Variants in IGF1R observed in about 807,000 individuals in gnomAD.
The protein encoded by IGF1R is insulin-like growth factor 1 receptor.
In IGF1R, 44 loss-of-function variants were observed where a neutral mutation model predicts 144.6. That is an observed-to-expected ratio of 0.30 (90% CI 0.24 to 0.39). The LOEUF is 0.39. IGF1R is among the 10% of genes least tolerant of loss of function. IGF1R has a pLI of 1.00. For synonymous variants in IGF1R, 795 were observed against 722.8 expected (o/e 1.10, Z -1.60); for missense variants, 1,355 against 1,833.7 (o/e 0.74, Z 4.77).
In IGF1R at chr15:98,890,860, T is replaced by C. The variant is rs2013873159; in HGVS notation, c.641-465T>C. 8.7e-5 allele frequency: 20 copies of C among 229,098 alleles called. 1 individual carries two copies. In the South Asian group the frequency reaches 1.4e-3, roughly 16 times the overall value. The allele number at this position is 229,098 out of a possible 1,614,324, so 14.2% of individuals were successfully genotyped here. A position where few individuals can be genotyped will look rare whatever the true frequency, so the allele number is the denominator to read the frequency against. On this transcript the variant is annotated intron_variant, in intron 2 of 20. Transcript: ENST00000650285. Reference sequence around the variant, plus strand: ...TAATCATTTTCAAAGTAAGCATTTCTGCACACTAAGGCTTTAAAAGAGTTT... The same window carrying C: ...TAATCATTTTCAAAGTAAGCATTTCCGCACACTAAGGCTTTAAAAGAGTTT...
At chr15:98,709,172 A>G (rs1412792276) in intron 2 of IGF1R, among the ~76,000 whole-genome samples, 1 of 152,228 alleles carries the variant, frequency 6.6e-6, no homozygotes, top group Non-Finnish European at 1.5e-5. Flanking sequence ...CTAGTTATGA[A>G]GAACCAAGAA....
At chr15:98,665,506 G>A (rs1259287597) in intron 1 of IGF1R, among the ~76,000 whole-genome samples, 2 of 152,182 alleles carry the variant, frequency 1.3e-5, no homozygotes, top group African/African-American at 2.4e-5. Flanking sequence ...AGGAGGGGGA[G>A]GTAATTGGGG....
In IGF1R at chr15:98,963,521, A is replaced by T. The variant is rs2017308825; in HGVS notation, c.*6079A>T. On this transcript the variant is annotated 3_prime_UTR_variant, in exon 21 of 21. Transcript: ENST00000650285. ...AACAGCCGAGGTGTTGGAGCCCAGC[A>T]GTGCATGGCACCGTTCGGCATCTGG... 1 of 233,186 alleles carries T rather than the reference A, an allele frequency of 4.3e-6. No individual in the cohort carries two copies. The highest frequency in any genetic ancestry group is 8.5e-6 in the Non-Finnish European group (1 of 118,064). The allele number at this position is 233,186 out of a possible 1,614,324, so 14.4% of individuals were successfully genotyped here.
At position 98,935,098 on chromosome 15, in the gene IGF1R, G is replaced by C. The variant is rs1413821254; in HGVS notation, c.3186+45G>C. 2.0e-6 allele frequency: 3 copies of C among 1,467,490 alleles called. No individual in the cohort carries two copies. The highest frequency in any genetic ancestry group is 2.9e-6 in the Non-Finnish European group (3 of 1,048,232). 90.9% of individuals were successfully genotyped at this position (1,467,490 alleles called of 1,614,324 possible). On this transcript the variant is annotated intron_variant, in intron 16 of 20. Transcript: ENST00000650285. This position sits in a 1 kb window ranked among gnomAD's most constrained non-coding sequence, Gnocchi z 4.2. ...AAGCCAAAATGCAGCACAGGGAGAG[G>C]GTATCACACAAGCCTCCCAGTATGT...
chr15:98,735,603 A>G (rs926212626), intron 2 of IGF1R, among the ~76,000 whole-genome samples: 4 of 152,238 alleles, frequency 2.6e-5, no homozygotes, highest in Admixed American at 6.5e-5. Flanking sequence ...AGTAAGGAAG[A>G]AGGAGGACAA....
At chr15:98,923,808 T>C in intron 11 of IGF1R, 68 bp from the exon 12 acceptor site, 1 of 1,289,094 alleles carries the variant, frequency 7.8e-7, no homozygotes, top group Non-Finnish European at 1.1e-6. Flanking sequence ...TATTCTCAGG[T>C]CAGCCCAGTG....
At chr15:98,924,406 A>G (rs2015620461) in intron 12 of IGF1R, 119 bp from the exon 13 acceptor site, 3 of 916,836 alleles carry the variant, frequency 3.3e-6, no homozygotes, top group East Asian at 2.4e-5. Flanking sequence ...ACTCAGGATC[A>G]TTGTTAGGTG....
At chr15:98,761,283 C>T (rs182821997) in intron 2 of IGF1R, among the ~76,000 whole-genome samples, 3 of 152,348 alleles carry the variant, frequency 2.0e-5, no homozygotes. Flanking sequence ...ACTGTCACTG[C>T]ATACCTCTCA....
intron 1 of IGF1R, among the ~76,000 whole-genome samples, chr15:98,658,880 G>A (rs2052541543): frequency 6.6e-6 from 1 of 152,140 alleles, no homozygotes; most frequent in Non-Finnish European, 1.5e-5. Context: ...AAGCTCTCAG[G>A]CAAATAATTT....
intron 1 of IGF1R, among the ~76,000 whole-genome samples, chr15:98,692,800 A>T (rs1418270285): frequency 2.0e-5 from 3 of 152,092 alleles, no homozygotes; most frequent in African/African-American, 7.2e-5. Context: ...TTACCACCTG[A>T]TACATTGGTA....
chr15:98,881,473 C>T (rs2013374993), intron 2 of IGF1R, among the ~76,000 whole-genome samples: 1 of 152,190 alleles, frequency 6.6e-6, no homozygotes, highest in South Asian at 2.1e-4. Flanking sequence ...GGTGTGCCCA[C>T]CACCACACCT....
In IGF1R at chr15:98,919,475, C is replaced by T. The variant is rs549646827; in HGVS notation, c.2201+2599C>T. On this transcript the variant is annotated intron_variant, in intron 10 of 20. Coordinates refer to ENST00000650285, the MANE Select transcript of IGF1R (RefSeq NM_000875.5). ...GGCCCCTTGCTTTCAGTTGTAGTTA[C>T]GAGGCAAGACCTGTTTTTTTCTCAT... Among the ~76,000 whole-genome samples, 29 of 152,296 alleles carry T rather than the reference C, an allele frequency of 1.9e-4. No homozygotes were observed. The South Asian group carries it at 2.7e-3, about 14-fold the overall frequency.
chr15:98,877,172 G>C (rs886505299), intron 2 of IGF1R, among the ~76,000 whole-genome samples: 7 of 152,160 alleles, frequency 4.6e-5, no homozygotes, highest in Admixed American at 4.6e-4. Context: ...GGGACCCAGA[G>C]GGAGAGAGAG....
chr15:98,957,440 T>G lies in IGF1R; in HGVS notation c.4102T>G (p.Ter1368GlyextTer53). 6.2e-7 allele frequency: 1 copy of G among 1,612,978 alleles called. No individual in the cohort carries two copies. Among genetic ancestry groups the G allele is most frequent in the Non-Finnish European group, 8.5e-7 (1 of 1,180,044 alleles). ...ALPLPQSSTC[*>G] The stretch of plus-strand genomic sequence containing the variant: ...GCCGCTGCCCCAGTCTTCGACCTGC[T>G]GATCCTTGGATCCTGAATCTGTGCA... Residue 1368 changes from the stop codon to glycine (G), a stop_lost, in exon 21 of 21, where the codon TGA (stop) becomes GGA (glycine). Coordinates refer to ENST00000650285, the MANE Select transcript of IGF1R (RefSeq NM_000875.5).
At chr15:98,683,820 G>C (rs2053252561) in intron 1 of IGF1R, among the ~76,000 whole-genome samples, 1 of 152,142 alleles carries the variant, frequency 6.6e-6, no homozygotes, top group African/African-American at 2.4e-5. Flanking sequence ...TTGGAAATCG[G>C]GACATAATTC....
rs1343242483 is a variant in IGF1R, at chr15:98,963,586, A to G, written c.*6144A>G. The G allele has an allele frequency of 2.1e-5, 5 of 233,188 alleles. No homozygotes were observed. Among genetic ancestry groups the G allele is most frequent in the Non-Finnish European group, 4.2e-5 (5 of 118,054 alleles). The allele number at this position is 233,188 out of a possible 1,614,324, so 14.4% of individuals were successfully genotyped here. The stretch of plus-strand genomic sequence containing the variant: ...CTGCCGTCATTGTCAGCACAGTGCC[A>G]TGGACATGGGAAGACTTGACTGCAC... On this transcript the variant is annotated 3_prime_UTR_variant, in exon 21 of 21. Coordinates refer to ENST00000650285, the MANE Select transcript of IGF1R (RefSeq NM_000875.5).
At chr15:98,916,383 T>C in intron 9 of IGF1R, 1 of 545,418 alleles carries the variant, frequency 1.8e-6, no homozygotes, top group South Asian at 2.0e-5. Context: ...TTCCCCAGCA[T>C]TCCGAGTAGC....
chr15:98,806,998 AG>A (rs2056486262), intron 2 of IGF1R, among the ~76,000 whole-genome samples: 2 of 152,152 alleles, frequency 1.3e-5, no homozygotes, highest in South Asian at 4.1e-4. Flanking sequence ...CCGTCTCAAA[AG>A]AAAAAAAAGA....
rs1209328985 is a variant in IGF1R, at chr15:98,963,036, CAGT to C, written c.*5597_*5599del. 1 of 233,474 alleles carries C rather than the reference CAGT, an allele frequency of 4.3e-6. No individual in the cohort carries two copies. The highest frequency in any genetic ancestry group is 8.5e-6 in the Non-Finnish European group (1 of 118,012). 14.5% of individuals were successfully genotyped at this position (233,474 alleles called of 1,614,324 possible). On this transcript the variant is annotated 3_prime_UTR_variant, in exon 21 of 21. Transcript: ENST00000650285. The stretch of plus-strand genomic sequence containing the variant: ...GCGTTTTCAATAGGGCTCTTAAGTC[CAGT>C]AGATTACGGGTAGTCAGTTGACGAA...
Sources: gnomAD v4.1 joint callset for allele counts (sites outside exome capture counted in the v4.1 genomes callset) on GRCh38, gnomAD v4.1.1 for gene constraint, Gnocchi (gnomAD v3.1) non-coding constraint, MANE v1.5 for transcripts, NCBI Gene and HGNC (gene_info 2026-07-23, HGNC 2026-07-21) for gene names.